Variants in CYP2J2 observed in about 807,000 individuals in gnomAD.
The protein encoded by CYP2J2 is cytochrome P450 2J2.
Under a neutral mutation model 48.8 loss-of-function variants are expected in CYP2J2, and 41 were observed. The ratio of observed to expected loss-of-function variants is 0.84; its 90% CI spans 0.66 to 1.09. The LOEUF is 1.09. Among genes scored for constraint, CYP2J2 ranks in the 50% least tolerant of loss-of-function variants. The probability of loss-of-function intolerance (pLI) is 0.00; values close to 1 mark genes in which losing one functional copy is unlikely to be tolerated. For synonymous variants in CYP2J2, 221 were observed against 227.1 expected (o/e 0.97, Z 0.24); for missense variants, 644 against 617.3 (o/e 1.04, Z -0.46).
chr1:59,931,928 T>C, the CYP2J2 span, among the ~76,000 whole-genome samples: 2 of 152,292 alleles, frequency 1.3e-5, no homozygotes, highest in East Asian at 3.9e-4. Flanking sequence ...ATCTTACATC[T>C]TCTTCCACAA....
chr1:59,955,198 A>G, the CYP2J2 span, among the ~76,000 whole-genome samples: 3 of 148,956 alleles, frequency 2.0e-5, no homozygotes, highest in African/African-American at 4.9e-5. Context: ...ATATGTGCAT[A>G]TGCACGTGTG....
At chr1:59,921,041 G>C (rs527612425) in intron 1 of CYP2J2, among the ~76,000 whole-genome samples, 1 of 152,078 alleles carries the variant, frequency 6.6e-6, no homozygotes, top group African/African-American at 2.4e-5. Flanking sequence ...TTATCCCCAG[G>C]GTTTCCATTC....
At chr1:59,939,911 C>A in the CYP2J2 span, among the ~76,000 whole-genome samples, 1 of 152,118 alleles carries the variant, frequency 6.6e-6, no homozygotes, top group Non-Finnish European at 1.5e-5. Flanking sequence ...TTCCTTATGG[C>A]CTGAGGGCTT....
Position 59,907,780 on chromosome 1 carries a change from G to A in CYP2J2, c.1003+6C>T. The A allele has an allele frequency of 6.2e-7, 1 of 1,613,820 alleles. No homozygotes were observed. Among genetic ancestry groups the A allele is most frequent in the South Asian group, 1.1e-5 (1 of 91,046 alleles). On this transcript the variant is annotated splice_donor_region_variant and intron_variant, in intron 6 of 8. Transcript: ENST00000371204. ...CTGGTTCAGGCTTACTCACTGACATGCTCACCTTGGATTTCTGGGTAGAGG... is the reference window on the plus strand; with the variant it reads ...CTGGTTCAGGCTTACTCACTGACATACTCACCTTGGATTTCTGGGTAGAGG...
At chr1:59,919,068 T>C (rs933574517) in intron 1 of CYP2J2, among the ~76,000 whole-genome samples, 16 of 150,936 alleles carry the variant, frequency 1.1e-4, no homozygotes, top group Non-Finnish European at 2.1e-4. Flanking sequence ...AGAAAAAGAG[T>C]GTACTAATTC....
At chr1:59,913,274 C>T (rs1261236920) in intron 2 of CYP2J2, 1 of 152,078 alleles carries the variant, frequency 6.6e-6, no homozygotes, top group Non-Finnish European at 1.5e-5. Flanking sequence ...ACTTCTTCTT[C>T]ATCTAAAACC....
intron 6 of CYP2J2, 135 bp from the exon 7 acceptor site, chr1:59,905,193 C>T: frequency 1.1e-6 from 1 of 889,184 alleles, no homozygotes; most frequent in South Asian, 1.8e-5. Context: ...TGGTTCTTAA[C>T]CTTTTGAAAG....
At chr1:59,935,027 T>TATATATATATATATATATATACAC in the CYP2J2 span, among the ~76,000 whole-genome samples, 1 of 100,148 alleles carries the variant, frequency 1.0e-5, no homozygotes, top group African/African-American at 4.0e-5. Context: ...TATATATATA[T>TATATATATATATATATATATACAC]ATATATATAT....
the CYP2J2 span, among the ~76,000 whole-genome samples, chr1:59,945,793 C>T: frequency 6.6e-6 from 1 of 152,196 alleles, no homozygotes; most frequent in African/African-American, 2.4e-5. Context: ...AAAACTCCAT[C>T]CTCTGGCTTC....
Position 59,911,597 on chromosome 1 carries a change from A to G in CYP2J2, c.684+11T>C, listed in dbSNP as rs1346202332. The G allele has an allele frequency of 6.3e-7, 1 of 1,593,244 alleles. No homozygotes were observed. Among genetic ancestry groups the G allele is most frequent in the East Asian group, 2.3e-5 (1 of 44,182 alleles). On this transcript the variant is annotated intron_variant, in intron 4 of 8. Transcript: ENST00000371204. ...TTACTGAACAAAGATATGGAGAGAC[A>G]GCTGCCTTACCTGGCATGTCTTTGA...
At chr1:59,953,483 TAGAG>T in the CYP2J2 span, among the ~76,000 whole-genome samples, 9,452 of 150,972 alleles carry the variant, frequency 0.063, 334 homozygotes, top group East Asian at 0.12. Context: ...CATAAGTTGA[TAGAG>T]AGAGACACCA....
chr1:59,893,734 T>C lies in CYP2J2; in HGVS notation c.1426A>G (p.Asn476Asp), dbSNP rs770448598. Residue 476 changes from asparagine (N) to aspartate (D), a missense_variant, in exon 9 of 9, where the codon AAT becomes GAT. Coordinates refer to ENST00000371204, the MANE Select transcript of CYP2J2 (RefSeq NM_000775.4). ...MQKFTFRPPN[N>D]EKLSLKFRMG... Reference sequence around the variant, plus strand: ...CTAAACTTCAGGCTCAGCTTCTCATTGTTTGGGGGCCTGAAGGTAAATTTT... The same window carrying C: ...CTAAACTTCAGGCTCAGCTTCTCATCGTTTGGGGGCCTGAAGGTAAATTTT... 1.8e-4 allele frequency: 287 copies of C among 1,613,272 alleles called. 11 individuals are homozygous for C. In the South Asian group the frequency reaches 2.9e-3, roughly 16 times the overall value.
the CYP2J2 span, among the ~76,000 whole-genome samples, chr1:59,946,862 T>C: frequency 1.3e-5 from 2 of 152,216 alleles, no homozygotes; most frequent in Non-Finnish European, 2.9e-5. Context: ...CATATAGTTC[T>C]TATATATGCA....
the CYP2J2 span, among the ~76,000 whole-genome samples, chr1:59,954,891 C>T: frequency 3.9e-5 from 6 of 151,968 alleles, no homozygotes; most frequent in Admixed American, 3.3e-4. Flanking sequence ...AATTTCAGCA[C>T]TTTGGGAGGA....
chr1:59,912,318 A>C lies in CYP2J2; in HGVS notation c.374-7T>G. On this transcript the variant is annotated splice_polypyrimidine_tract_variant and splice_region_variant and intron_variant, in intron 2 of 8. Transcript: ENST00000371204. The stretch of plus-strand genomic sequence containing the variant: ...CCACTTGACATAATCAATCCTGGGA[A>C]AAAGAAAGTCAACATTACAGTATTC... 6.2e-7 allele frequency: 1 copy of C among 1,609,554 alleles called. No homozygotes were observed.
In CYP2J2 at chr1:59,904,604, G is replaced by A. The variant is rs1303840035; in HGVS notation, c.1191+267C>T. The A allele has an allele frequency of 1.8e-5, 7 of 391,418 alleles. No individual in the cohort carries two copies. The South Asian group carries it at 1.9e-4, about 11-fold the overall frequency. 24.2% of individuals were successfully genotyped at this position (391,418 alleles called of 1,614,324 possible). On this transcript the variant is annotated intron_variant, in intron 7 of 8. Coordinates refer to ENST00000371204, the MANE Select transcript of CYP2J2 (RefSeq NM_000775.4). The stretch of plus-strand genomic sequence containing the variant: ...GCCCACAGACTCACAATGCACATTA[G>A]CATAGTAAAAACACTGAGAGGCCCC...
rs11207537 is a variant in CYP2J2 at position 59,904,204 on chromosome 1, G to A, written c.1191+667C>T. Among the ~76,000 whole-genome samples, 212 of 152,140 alleles carry A rather than the reference G, an allele frequency of 1.4e-3. 5 individuals are homozygous for A. The East Asian group carries it at 0.032, about 23-fold the overall frequency. ...TGGCCAACCAACATGGTGAAACCCC[G>A]TCTCTACTAAAAATACAAAAATTAG... On this transcript the variant is annotated intron_variant, in intron 7 of 8. Coordinates refer to ENST00000371204, the MANE Select transcript of CYP2J2 (RefSeq NM_000775.4).
chr1:59,935,027 T>TATACAC, the CYP2J2 span, among the ~76,000 whole-genome samples: 9 of 100,140 alleles, frequency 9.0e-5, no homozygotes, highest in African/African-American at 3.2e-4. Flanking sequence ...TATATATATA[T>TATACAC]ATATATATAT....
At chr1:59,964,949 G>A in the CYP2J2 span, among the ~76,000 whole-genome samples, 59 of 152,292 alleles carry the variant, frequency 3.9e-4, no homozygotes, top group African/African-American at 1.3e-3. Context: ...TAATCTAGAT[G>A]AGAGATGATG....
Sources: allele counts gnomAD v4.1 joint callset (sites outside exome capture counted in the v4.1 genomes callset), GRCh38; gene constraint gnomAD v4.1.1; transcripts MANE v1.5; gene names NCBI Gene and HGNC (gene_info 2026-07-23, HGNC 2026-07-21).